The following USP12 variants were observed in gnomAD, a reference collection of about 807,000 sequenced individuals.
USP12 encodes ubiquitin specific peptidase 12.
USP12 carries 19 observed loss-of-function variants against 45.5 expected under a neutral mutation model. The ratio of observed to expected loss-of-function variants is 0.42; its 90% CI spans 0.29 to 0.61. USP12 has a LOEUF of 0.61. Ranked by LOEUF, USP12 falls within the 20% of genes least tolerant of loss-of-function variation. The pLI is 0.22. For missense variants in USP12, 242 were observed against 447.7 expected, an observed-to-expected ratio of 0.54 and a Z score of 4.15; for synonymous variants, 149 against 148.8, an observed-to-expected ratio of 1.00 and a Z score of -0.01.
chr13:27,092,945 C>G (rs1159872151), intron 4 of USP12, among the ~76,000 whole-genome samples: 1 of 152,142 alleles, frequency 6.6e-6, no homozygotes, highest in East Asian at 1.9e-4. Context: ...GCCTGTAATT[C>G]CAGCACTTTA....
intron 1 of USP12, among the ~76,000 whole-genome samples, chr13:27,138,505 T>C (rs535863870): frequency 5.3e-5 from 8 of 152,196 alleles, no homozygotes; most frequent in Non-Finnish European, 8.8e-5. Context: ...CATGAGCAGC[T>C]TGACATGCCT....
intron 6 of USP12, 34 bp from the exon 7 acceptor site, chr13:27,075,422 A>G (rs1208275125): frequency 6.4e-7 from 1 of 1,551,120 alleles, no homozygotes; most frequent in Non-Finnish European, 8.8e-7. Flanking sequence ...AAAATTTCAT[A>G]AAAGATATCC....
At chr13:27,130,849 C>T (rs1555236601) in intron 1 of USP12, among the ~76,000 whole-genome samples, 1 of 152,184 alleles carries the variant, frequency 6.6e-6, no homozygotes, top group Non-Finnish European at 1.5e-5. Context: ...AAAGATTACA[C>T]AAGTATCACA....
chr13:27,155,241 C>G (rs1877775730), intron 1 of USP12, among the ~76,000 whole-genome samples: 1 of 151,720 alleles, frequency 6.6e-6, no homozygotes, highest in Admixed American at 6.6e-5. Flanking sequence ...GCCACCATGC[C>G]CGGCTAATTT....
chr13:27,067,612 G>A lies in USP12; in HGVS notation c.*1671C>T, dbSNP rs1235027342. The A allele has an allele frequency of 6.6e-6, 1 of 152,128 alleles. No individual in the cohort carries two copies. The highest frequency in any genetic ancestry group is 1.5e-5 in the Non-Finnish European group (1 of 68,024). The allele number at this position is 152,128 out of a possible 1,614,324, so 9.4% of individuals were successfully genotyped here. A position where few individuals can be genotyped will look rare whatever the true frequency, so the allele number is the denominator to read the frequency against. ...AAAGGTCTGCTTATGGAAAAAATAG[G>A]TGAAGTCATTTCCTGAGCCAAAAGA... On this transcript the variant is annotated 3_prime_UTR_variant, in exon 9 of 9. Coordinates refer to ENST00000282344, the MANE Select transcript of USP12 (RefSeq NM_182488.4).
At chr13:27,162,017 GACT>G (rs1440289560) in intron 1 of USP12, among the ~76,000 whole-genome samples, 5 of 152,196 alleles carry the variant, frequency 3.3e-5, no homozygotes, top group African/African-American at 1.2e-4. Flanking sequence ...ACTTTGAAAT[GACT>G]ACGCTTTGTC....
intron 2 of USP12, among the ~76,000 whole-genome samples, chr13:27,110,428 C>CT (rs1241493535): frequency 6.6e-6 from 1 of 152,110 alleles, no homozygotes; most frequent in East Asian, 1.9e-4. Context: ...GAATATGTTT[C>CT]TTTTTTTCCA....
rs1232723768 is a variant in USP12 at position 27,071,052 on chromosome 13, A to G, written c.1011+19T>C. On this transcript the variant is annotated intron_variant, in intron 8 of 8. Coordinates refer to ENST00000282344, the MANE Select transcript of USP12 (RefSeq NM_182488.4). ...TATGCATACAACTTTCAAAAATAAG[A>G]AATTAAGAAACTACTTACTTCTACA... is the stretch of plus-strand genomic sequence containing the variant. 2 of 1,587,094 alleles carry G rather than the reference A, an allele frequency of 1.3e-6. No homozygotes were observed. Among genetic ancestry groups the G allele is most frequent in the Non-Finnish European group, 1.7e-6 (2 of 1,170,894 alleles).
intron 2 of USP12, among the ~76,000 whole-genome samples, chr13:27,106,181 A>G (rs970989556): frequency 2.6e-5 from 4 of 152,188 alleles, no homozygotes; most frequent in African/African-American, 4.8e-5. Context: ...ACACAAAAAC[A>G]AAAAATAAAA....
At chr13:27,111,046 C>A (rs1875417203) in intron 2 of USP12, among the ~76,000 whole-genome samples, 1 of 152,152 alleles carries the variant, frequency 6.6e-6, no homozygotes, top group Admixed American at 6.6e-5. Flanking sequence ...GGAAGTCAGG[C>A]TCACACTTCT....
chr13:27,149,863 G>A (rs949618691), intron 1 of USP12, among the ~76,000 whole-genome samples: 1 of 152,162 alleles, frequency 6.6e-6, no homozygotes, highest in Admixed American at 6.5e-5. Context: ...TCGCATGCGC[G>A]GTTCATAACA....
intron 4 of USP12, among the ~76,000 whole-genome samples, chr13:27,090,844 T>A (rs1456135001): frequency 6.6e-6 from 1 of 152,180 alleles, no homozygotes; most frequent in East Asian, 1.9e-4. Context: ...ACATCAAAAT[T>A]ATTATTAGCA....
rs1306278046 is a variant in USP12 at position 27,090,179 on chromosome 13, CTT to C, written c.574-23_574-22del. ...CTTATCTGTAAAAACAGTGAATTGT[CTT>C]TGATTTTTTCAAATACTAGTAAACC... is the stretch of plus-strand genomic sequence containing the variant. On this transcript the variant is annotated intron_variant, in intron 4 of 8. Transcript: ENST00000282344. The C allele has an allele frequency of 3.9e-6, 6 of 1,557,772 alleles. No individual in the cohort carries two copies. The South Asian group carries it at 7.2e-5, about 19-fold the overall frequency.
chr13:27,138,968 G>A (rs374058839), intron 1 of USP12, among the ~76,000 whole-genome samples: 54 of 152,176 alleles, frequency 3.5e-4, no homozygotes, highest in African/African-American at 1.1e-3. Flanking sequence ...CAGTTTCAAC[G>A]GTAAGGTGTA....
At chr13:27,140,376 A>G (rs751761344) in intron 1 of USP12, among the ~76,000 whole-genome samples, 1 of 152,254 alleles carries the variant, frequency 6.6e-6, no homozygotes, top group Non-Finnish European at 1.5e-5. Context: ...AATTCAGCAC[A>G]GTTATGAAAA....
intron 4 of USP12, among the ~76,000 whole-genome samples, chr13:27,092,115 G>A (rs1874343849): frequency 6.6e-6 from 1 of 152,160 alleles, no homozygotes; most frequent in Admixed American, 6.5e-5. Context: ...CATAGTTGGT[G>A]CTTAGCACCC....
At chr13:27,133,494 G>T (rs1350399777) in intron 1 of USP12, among the ~76,000 whole-genome samples, 1 of 152,172 alleles carries the variant, frequency 6.6e-6, no homozygotes, top group Non-Finnish European at 1.5e-5. Flanking sequence ...CGGGTGTGGT[G>T]GCGGGCACCT....
chr13:27,086,459 A>T (rs982707925), intron 6 of USP12, among the ~76,000 whole-genome samples: 2 of 151,772 alleles, frequency 1.3e-5, no homozygotes, highest in Non-Finnish European at 2.9e-5. Flanking sequence ...AAAATCTAAG[A>T]TATACACAAA....
intron 1 of USP12, among the ~76,000 whole-genome samples, chr13:27,159,270 A>G (rs1395522471): frequency 2.0e-5 from 3 of 152,220 alleles, no homozygotes; most frequent in African/African-American, 7.2e-5. Context: ...GGTAGTTCAA[A>G]AAACAATGTA....
Sources: allele counts gnomAD v4.1 joint callset (sites outside exome capture counted in the v4.1 genomes callset), GRCh38; gene constraint gnomAD v4.1.1; transcripts MANE v1.5; gene names NCBI Gene and HGNC (gene_info 2026-07-23, HGNC 2026-07-21).